Variants in ALCAM observed in about 807,000 individuals in gnomAD.
The protein encoded by ALCAM is activated leukocyte cell adhesion molecule.
Under a neutral mutation model 70.9 loss-of-function variants are expected in ALCAM, and 30 were observed. That is an observed-to-expected ratio of 0.42 (90% CI 0.32 to 0.57). ALCAM has a LOEUF of 0.57. ALCAM is among the 20% of genes least tolerant of loss of function. The pLI is 0.11. For missense variants in ALCAM, 591 were observed against 695.1 expected (o/e 0.85, Z 1.68); for synonymous variants, 249 against 242.5 (o/e 1.03, Z -0.25).
intron 1 of ALCAM, among the ~76,000 whole-genome samples, chr3:105,463,819 A>T (rs2152599129): frequency 6.6e-6 from 1 of 151,538 alleles, no homozygotes; most frequent in Non-Finnish European, 1.5e-5. Flanking sequence ...TTGTTTTGTT[A>T]CAGTAGTATT....
At chr3:105,401,336 T>C (rs1394854576) in intron 1 of ALCAM, among the ~76,000 whole-genome samples, 3 of 152,200 alleles carry the variant, frequency 2.0e-5, no homozygotes, top group Admixed American at 1.3e-4. Context: ...CTGACTCCTA[T>C]ACACAACTAC....
intron 1 of ALCAM, among the ~76,000 whole-genome samples, chr3:105,409,350 C>A (rs911639850): frequency 6.6e-6 from 1 of 151,822 alleles, no homozygotes; most frequent in South Asian, 2.1e-4. Context: ...TATATATACA[C>A]ACACACCATG....
At chr3:105,417,970 G>A (rs1936547860) in intron 1 of ALCAM, among the ~76,000 whole-genome samples, 1 of 151,602 alleles carries the variant, frequency 6.6e-6, no homozygotes, top group Admixed American at 6.6e-5. Context: ...ATCTGAGGAG[G>A]AGATGCAGTG....
intron 14 of ALCAM, among the ~76,000 whole-genome samples, chr3:105,561,798 C>G (rs1274821646): frequency 1.3e-5 from 2 of 152,020 alleles, no homozygotes; most frequent in Non-Finnish European, 2.9e-5. Context: ...AAAAATCAGC[C>G]AAGGGAAAAA....
At chr3:105,409,065 G>A (rs541211957) in intron 1 of ALCAM, among the ~76,000 whole-genome samples, 28 of 152,020 alleles carry the variant, frequency 1.8e-4, no homozygotes, top group Non-Finnish European at 2.9e-4. Context: ...TGGAATGGAT[G>A]CAGTGAAAAG....
At chr3:105,443,873 C>T (rs1002053401) in intron 1 of ALCAM, among the ~76,000 whole-genome samples, 1 of 151,938 alleles carries the variant, frequency 6.6e-6, no homozygotes, top group Non-Finnish European at 1.5e-5. Flanking sequence ...TCAATCCACA[C>T]CCAATTTTAG....
At chr3:105,548,283 T>C (rs1198703991) in intron 11 of ALCAM, among the ~76,000 whole-genome samples, 4 of 151,346 alleles carry the variant, frequency 2.6e-5, no homozygotes, top group African/African-American at 9.7e-5. Flanking sequence ...AATTTGCCAA[T>C]CTGCTTGGGT....
intron 14 of ALCAM, among the ~76,000 whole-genome samples, chr3:105,560,382 A>G (rs1016821994): frequency 6.6e-6 from 1 of 151,972 alleles, no homozygotes; most frequent in Non-Finnish European, 1.5e-5. Flanking sequence ...TTTTATTGGT[A>G]TTTGTCTTTC....
chr3:105,495,154 CTG>C (rs1303043163), intron 1 of ALCAM, among the ~76,000 whole-genome samples: 1 of 152,226 alleles, frequency 6.6e-6, no homozygotes, highest in East Asian at 1.9e-4. Context: ...ACCACTTAAT[CTG>C]TGTCATCTGT....
At chr3:105,530,143 T>G (rs1939801922) in intron 3 of ALCAM, among the ~76,000 whole-genome samples, 1 of 152,092 alleles carries the variant, frequency 6.6e-6, no homozygotes, top group Non-Finnish European at 1.5e-5. Flanking sequence ...TGTCACTAAA[T>G]AACTGATTTC....
chr3:105,550,881 A>G (rs1041414164), intron 12 of ALCAM, among the ~76,000 whole-genome samples: 1 of 151,662 alleles, frequency 6.6e-6, no homozygotes, highest in African/African-American at 2.4e-5. Context: ...TCAGGGTAAT[A>G]CATACATACC....
chr3:105,369,591 T>G (rs34029528), intron 1 of ALCAM, among the ~76,000 whole-genome samples: 22,564 of 152,272 alleles, frequency 0.15, 1,774 homozygotes, highest in Middle Eastern at 0.21. Context: ...GGACAGTAAG[T>G]GCGCCTTCTT....
At chr3:105,371,474 A>G (rs756433593) in intron 1 of ALCAM, among the ~76,000 whole-genome samples, 1 of 151,622 alleles carries the variant, frequency 6.6e-6, no homozygotes, top group Non-Finnish European at 1.5e-5. Context: ...ATTCCACTTA[A>G]TTATCACTTT....
Position 105,547,261 on chromosome 3 carries a change from A to G in ALCAM, c.1217A>G (p.Glu406Gly). The G allele has an allele frequency of 6.3e-7, 1 of 1,599,266 alleles. No individual in the cohort carries two copies. Among genetic ancestry groups the G allele is most frequent in the South Asian group, 1.1e-5 (1 of 88,118 alleles). Reference protein sequence around the residue: ...LQEVEGLKKRESLTLIVEGKP... With the variant: ...LQEVEGLKKRGSLTLIVEGKP... ...GAGGTTGAAGGACTAAAGAAAAGAG[A>G]GTCATTGACTCTCATTGTAGAAGGT... Residue 406 changes from glutamate (E) to glycine (G), a missense_variant, in exon 10 of 16, where the codon GAG becomes GGG. Around this residue, in one of 2 missense-constraint regions of ALCAM, gnomAD observed 164 missense variants for 244.7 expected, o/e 0.67. Transcript: ENST00000306107.
At chr3:105,411,526 A>G (rs1199011819) in intron 1 of ALCAM, among the ~76,000 whole-genome samples, 2 of 152,090 alleles carry the variant, frequency 1.3e-5, no homozygotes, top group African/African-American at 4.8e-5. Context: ...AACTGTTACT[A>G]TGTGGCAGGC....
chr3:105,427,507 A>G (rs762841414), intron 1 of ALCAM, among the ~76,000 whole-genome samples: 63 of 151,908 alleles, frequency 4.1e-4, no homozygotes, highest in Admixed American at 1.1e-3. Context: ...TAGCATTTAA[A>G]GGGGGAGGAA....
chr3:105,430,655 T>A (rs1936907090), intron 1 of ALCAM, among the ~76,000 whole-genome samples: 1 of 152,092 alleles, frequency 6.6e-6, no homozygotes, highest in Admixed American at 6.6e-5. Context: ...TTACGCTTCT[T>A]CCCTTTTTTC....
At chr3:105,489,600 T>A (rs891997151) in intron 1 of ALCAM, among the ~76,000 whole-genome samples, 1 of 152,154 alleles carries the variant, frequency 6.6e-6, no homozygotes, top group Non-Finnish European at 1.5e-5. Flanking sequence ...TTTAGAAAAA[T>A]TGTCATCTAA....
At chr3:105,428,693 A>G (rs574415856) in intron 1 of ALCAM, among the ~76,000 whole-genome samples, 106 of 152,120 alleles carry the variant, frequency 7.0e-4, no homozygotes, top group African/African-American at 2.4e-3. Flanking sequence ...CCTCTCCTAT[A>G]GAAACATGGT....
Sources: allele counts gnomAD v4.1 joint callset (sites outside exome capture counted in the v4.1 genomes callset), GRCh38; gene constraint gnomAD v4.1.1; regional missense constraint gnomAD v4.1.1; transcripts MANE v1.5; gene names NCBI Gene and HGNC (gene_info 2026-07-23, HGNC 2026-07-21).